CPNE8: variants seen among roughly 807,000 people sequenced by gnomAD.
CPNE8 encodes copine 8.
Under a neutral mutation model 81.5 loss-of-function variants are expected in CPNE8, and 45 were observed. That is an observed-to-expected ratio of 0.55 (90% confidence interval 0.44 to 0.71). The LOEUF (loss-of-function observed/expected upper bound fraction) is 0.71. CPNE8 is among the 30% of genes least tolerant of loss of function. The probability of loss-of-function intolerance (pLI) is 0.00; values close to 1 mark genes in which losing one functional copy is unlikely to be tolerated. For missense variants in CPNE8, 594 were observed against 672.1 expected, an observed-to-expected ratio of 0.88 and a Z score of 1.28; for synonymous variants, 252 against 226.3, an observed-to-expected ratio of 1.11 and a Z score of -1.02.
intron 6 of CPNE8, among the ~76,000 whole-genome samples, chr12:38,778,819 C>T (rs1941987587): frequency 6.6e-6 from 1 of 152,164 alleles, no homozygotes; most frequent in African/African-American, 2.4e-5. Flanking sequence ...CTGTATACAG[C>T]AGGTGTTTAG....
At chr12:38,776,124 A>C in intron 7 of CPNE8, 114 bp downstream of exon 7, 1 of 445,162 alleles carries the variant, frequency 2.2e-6, no homozygotes. Flanking sequence ...ATGGGTTATA[A>C]AATTGTATAA....
chr12:38,807,524 T>G (rs10444551), intron 6 of CPNE8, among the ~76,000 whole-genome samples: 47,961 of 146,390 alleles, frequency 0.33, 8,672 homozygotes, highest in Non-Finnish European at 0.41. Context: ...TTTAATAAAT[T>G]GTGCTGGGAA....
rs532249151 is a variant in CPNE8 at position 38,863,778 on chromosome 12, T to C, written c.186+9226A>G. ...ACAAGAACGCCTCCTGTCGGCCGGG[T>C]GCGGTGGCTCACGCCTGTGGTCCCA... On this transcript the variant is annotated intron_variant, in intron 3 of 19. Transcript: ENST00000331366. Among the ~76,000 whole-genome samples the C allele has an allele frequency of 1.4e-3, 212 of 152,126 alleles. 3 individuals carry two copies. Among genetic ancestry groups the C allele is most frequent in the Middle Eastern group, 6.8e-3 (2 of 294 alleles).
intron 6 of CPNE8, among the ~76,000 whole-genome samples, chr12:38,796,098 A>G (rs1279631452): frequency 6.6e-6 from 1 of 152,120 alleles, no homozygotes; most frequent in Non-Finnish European, 1.5e-5. Context: ...CGTCTCTACC[A>G]CAAATATAAC....
chr12:38,829,326 A>T, intron 6 of CPNE8, 53 bp downstream of exon 6: 1 of 1,286,864 alleles, frequency 7.8e-7, no homozygotes, highest in East Asian at 2.3e-5. Flanking sequence ...CAAACTGACA[A>T]AATAGAAACT....
intron 10 of CPNE8, among the ~76,000 whole-genome samples, chr12:38,751,405 T>C (rs1209902785): frequency 6.6e-6 from 1 of 152,188 alleles, no homozygotes. Flanking sequence ...TAGAGCTCTT[T>C]ATACATTAAA....
chr12:38,667,283 G>A (rs1939078902), intron 19 of CPNE8, among the ~76,000 whole-genome samples: 2 of 152,100 alleles, frequency 1.3e-5, no homozygotes, highest in Non-Finnish European at 2.9e-5. Flanking sequence ...TTCTGACCAG[G>A]GGAAGATTGA....
intron 10 of CPNE8, among the ~76,000 whole-genome samples, chr12:38,754,342 T>C (rs188069312): frequency 0.013 from 1,969 of 152,244 alleles, 29 homozygotes; most frequent in South Asian, 0.042. Flanking sequence ...TTAAAAATGT[T>C]ACTGAAAATG....
chr12:38,798,219 A>G (rs562819619), intron 6 of CPNE8, among the ~76,000 whole-genome samples: 1 of 152,274 alleles, frequency 6.6e-6, no homozygotes, highest in Non-Finnish European at 1.5e-5. Context: ...ATACTCCTTG[A>G]GAAGAGCAAC....
chr12:38,667,997 C>T (rs1939096305), intron 19 of CPNE8, among the ~76,000 whole-genome samples: 1 of 152,126 alleles, frequency 6.6e-6, no homozygotes, highest in African/African-American at 2.4e-5. Context: ...CGGGGTTTCA[C>T]CATGTTGGCC....
chr12:38,831,168 A>C (rs963664418), intron 5 of CPNE8, among the ~76,000 whole-genome samples: 4 of 152,180 alleles, frequency 2.6e-5, no homozygotes. Flanking sequence ...CTAGATTTAC[A>C]GAACAGAGTT....
intron 1 of CPNE8, among the ~76,000 whole-genome samples, chr12:38,887,421 T>C (rs553978373): frequency 1.3e-5 from 2 of 152,300 alleles, no homozygotes; most frequent in East Asian, 3.9e-4. Flanking sequence ...ATGCCTTATA[T>C]GCCTCTAAAT....
At chr12:38,864,510 T>A (rs1358609336) in intron 3 of CPNE8, among the ~76,000 whole-genome samples, 4 of 152,154 alleles carry the variant, frequency 2.6e-5, no homozygotes, top group African/African-American at 9.7e-5. Context: ...CACTAGTTAT[T>A]AAAACAGTAT....
chr12:38,716,203 T>C (rs185332509), intron 13 of CPNE8, among the ~76,000 whole-genome samples: 5 of 152,114 alleles, frequency 3.3e-5, no homozygotes, highest in African/African-American at 9.6e-5. Context: ...AGAATCAATA[T>C]TGGGAAATGA....
intron 1 of CPNE8, among the ~76,000 whole-genome samples, chr12:38,878,610 T>G (rs775908267): frequency 1.3e-5 from 2 of 152,238 alleles, no homozygotes; most frequent in Non-Finnish European, 2.9e-5. Context: ...AGTTACTGAG[T>G]AGCCAATATG....
rs371936038 is a variant in CPNE8, at chr12:38,753,964, G to A, written c.722+6883C>T. ...ACATATTCCCCCAGAGATAAGAGAC[G>A]ATTACTGTGATATGAAGGACAAGGC... On this transcript the variant is annotated intron_variant, in intron 10 of 19. Coordinates refer to ENST00000331366, the MANE Select transcript of CPNE8 (RefSeq NM_153634.3). Among the ~76,000 whole-genome samples the A allele has an allele frequency of 2.2e-4, 34 of 152,238 alleles. No homozygotes were observed. The East Asian group carries it at 4.1e-3, about 18-fold the overall frequency.
At chr12:38,848,505 T>C in intron 4 of CPNE8, 54 bp downstream of exon 4, 1 of 1,515,258 alleles carries the variant, frequency 6.6e-7, no homozygotes, top group South Asian at 1.3e-5. Context: ...CTTACATTAG[T>C]AATATTGTCT....
At position 38,790,793 on chromosome 12, in the gene CPNE8, C is replaced by A. The variant is rs571560812; in HGVS notation, c.408-14492G>T. ...CAAACAAACAAAAAACAAAATCGAG[C>A]ACATGAAGAATAAATGACCTTTGAG... On this transcript the variant is annotated intron_variant, in intron 6 of 19. Coordinates refer to ENST00000331366, the MANE Select transcript of CPNE8 (RefSeq NM_153634.3). Among the ~76,000 whole-genome samples the A allele has an allele frequency of 6.9e-4, 104 of 151,670 alleles. 1 individual carries two copies. Among genetic ancestry groups the A allele is most frequent in the African/African-American group, 2.5e-3 (103 of 41,486 alleles).
chr12:38,666,520 G>A lies in CPNE8; in HGVS notation c.1506+4209C>T, dbSNP rs1040276534. Among the ~76,000 whole-genome samples the A allele has an allele frequency of 8.6e-4, 131 of 152,288 alleles. 1 individual carries two copies. Among genetic ancestry groups the A allele is most frequent in the African/African-American group, 3.0e-3 (123 of 41,566 alleles). ...GAGTGAGGTCTTTGGAGAGGGCTGT[G>A]TGACAGGCTATACGTGGAGAAATTT... On this transcript the variant is annotated intron_variant, in intron 19 of 19. Transcript: ENST00000331366.
Sources: gnomAD v4.1 joint callset for allele counts (sites outside exome capture counted in the v4.1 genomes callset) on GRCh38, gnomAD v4.1.1 for gene constraint, MANE v1.5 for transcripts, NCBI Gene and HGNC (gene_info 2026-07-23, HGNC 2026-07-21) for gene names.